ULK4: variants seen among roughly 807,000 people sequenced by gnomAD.
ULK4 encodes the protein unc-51 like kinase 4.
Under a neutral mutation model 160.6 loss-of-function variants are expected in ULK4, and 133 were observed. That is an observed-to-expected ratio of 0.83 (90% confidence interval 0.72 to 0.96). ULK4 has a LOEUF of 0.96. Ranked by LOEUF, ULK4 falls within the 40% of genes least tolerant of loss-of-function variation. The pLI, the probability that ULK4 is intolerant of heterozygous loss-of-function variation, is 0.00. For missense variants in ULK4, 1,580 were observed against 1,499.5 expected, an observed-to-expected ratio of 1.05 and a Z score of -0.89; for synonymous variants, 534 against 539.8, an observed-to-expected ratio of 0.99 and a Z score of 0.15.
chr3:41,785,749 T>C (rs1028410813), intron 21 of ULK4, among the ~76,000 whole-genome samples: 53 of 152,204 alleles, frequency 3.5e-4, no homozygotes, highest in African/African-American at 1.1e-3. Flanking sequence ...CTCACTTTTC[T>C]TTAAGTAACA....
chr3:41,564,063 G>A (rs2087699201), intron 32 of ULK4, among the ~76,000 whole-genome samples: 1 of 151,276 alleles, frequency 6.6e-6, no homozygotes, highest in Non-Finnish European at 1.5e-5. Context: ...TGTCCTTCTT[G>A]TTGATGTTGA....
At chr3:41,343,909 A>C (rs1209908684) in intron 35 of ULK4, among the ~76,000 whole-genome samples, 1 of 152,146 alleles carries the variant, frequency 6.6e-6, no homozygotes, top group Non-Finnish European at 1.5e-5. Context: ...CAATATTGTG[A>C]AAATGGCCAT....
chr3:41,531,093 G>A (rs1397604287), intron 32 of ULK4, among the ~76,000 whole-genome samples: 1 of 150,492 alleles, frequency 6.6e-6, no homozygotes, highest in African/African-American at 2.4e-5. Context: ...GGAATGCCCA[G>A]TGTTTTGGCA....
intron 18 of ULK4, among the ~76,000 whole-genome samples, chr3:41,823,236 C>A (rs561957822): frequency 1.3e-5 from 2 of 152,168 alleles, no homozygotes; most frequent in East Asian, 3.9e-4. Flanking sequence ...GCAGGAGAAA[C>A]AGCAAATGTC....
intron 18 of ULK4, among the ~76,000 whole-genome samples, chr3:41,819,765 A>G (rs933897145): frequency 2.5e-4 from 38 of 152,236 alleles, no homozygotes; most frequent in African/African-American, 8.7e-4. Flanking sequence ...GATTTAAAAT[A>G]TTGAGAAATG....
At chr3:41,493,808 C>T (rs1011172529) in intron 32 of ULK4, among the ~76,000 whole-genome samples, 2 of 147,286 alleles carry the variant, frequency 1.4e-5, no homozygotes, top group Non-Finnish European at 3.0e-5. Flanking sequence ...CACCTCTACA[C>T]AAATAAACTA....
chr3:41,624,319 C>T (rs980197414), intron 30 of ULK4, among the ~76,000 whole-genome samples: 1 of 152,188 alleles, frequency 6.6e-6, no homozygotes, highest in Non-Finnish European at 1.5e-5. Context: ...GCAACCGAGG[C>T]CAATGAAGTC....
chr3:41,601,744 T>C (rs1037892677), intron 31 of ULK4, among the ~76,000 whole-genome samples: 6 of 152,140 alleles, frequency 3.9e-5, no homozygotes, highest in Admixed American at 6.5e-5. Flanking sequence ...ACATTCTTCA[T>C]AACACCAGTG....
At chr3:41,495,127 A>C (rs1369281089) in intron 32 of ULK4, among the ~76,000 whole-genome samples, 1 of 152,234 alleles carries the variant, frequency 6.6e-6, no homozygotes, top group East Asian at 1.9e-4. Flanking sequence ...CACCAAGTCA[A>C]TGCTAAGCCA....
intron 32 of ULK4, among the ~76,000 whole-genome samples, chr3:41,498,107 T>C (rs531913175): frequency 4.1e-4 from 62 of 152,344 alleles, no homozygotes; most frequent in African/African-American, 1.4e-3. Flanking sequence ...ACACACTCTT[T>C]CCAAGTATAC....
At chr3:41,638,853 G>A (rs987151627) in intron 30 of ULK4, among the ~76,000 whole-genome samples, 4 of 152,170 alleles carry the variant, frequency 2.6e-5, no homozygotes, top group African/African-American at 4.8e-5. Flanking sequence ...GTTCTACTTA[G>A]TAGACTGCCA....
intron 35 of ULK4, among the ~76,000 whole-genome samples, chr3:41,376,182 A>G (rs1455461998): frequency 1.3e-5 from 2 of 150,352 alleles, no homozygotes; most frequent in Admixed American, 1.3e-4. Context: ...GTGGGAGTGT[A>G]AATTAGTTCA....
chr3:41,378,569 G>A (rs537490265), intron 35 of ULK4, among the ~76,000 whole-genome samples: 1 of 151,678 alleles, frequency 6.6e-6, no homozygotes, highest in South Asian at 2.1e-4. Flanking sequence ...ACTCATAGGT[G>A]GGAACTGAAC....
chr3:41,319,921 G>A (rs898080037), intron 35 of ULK4, among the ~76,000 whole-genome samples: 6 of 152,166 alleles, frequency 3.9e-5, no homozygotes, highest in Non-Finnish European at 7.4e-5. Context: ...TATTCTACCA[G>A]TAGTAAAATC....
intron 20 of ULK4, among the ~76,000 whole-genome samples, chr3:41,796,049 C>T (rs1242289689): frequency 6.6e-6 from 1 of 152,064 alleles, no homozygotes; most frequent in Admixed American, 6.5e-5. Context: ...GCCCAGTATC[C>T]ATATGTCAGT....
At chr3:41,609,696 G>T (rs973659313) in intron 31 of ULK4, among the ~76,000 whole-genome samples, 7 of 152,120 alleles carry the variant, frequency 4.6e-5, no homozygotes, top group Non-Finnish European at 8.8e-5. Context: ...CTCTGTCCAG[G>T]TGCAGTGGCT....
At chr3:41,327,402 A>G (rs2080358539) in intron 35 of ULK4, among the ~76,000 whole-genome samples, 2 of 151,982 alleles carry the variant, frequency 1.3e-5, no homozygotes, top group South Asian at 2.1e-4. Context: ...TTTTTTTCCT[A>G]TAGAGTCTCT....
At position 41,795,297 on chromosome 3, in the gene ULK4, A is replaced by G. The variant is rs140838456; in HGVS notation, c.2010+4835T>C. 9.7e-4 allele frequency among the ~76,000 whole-genome samples: 148 copies of G among 152,270 alleles called. 3 individuals are homozygous for G. In the South Asian group the frequency reaches 1.0e-2, roughly 10 times the overall value. ...TTGTTAAGATTATGATGTTAGAGTA[A>G]CTGTATAATGATCTCATGCTGTTCC... On this transcript the variant is annotated intron_variant, in intron 20 of 36. Transcript: ENST00000301831.
chr3:41,358,416 A>G (rs924066210), intron 35 of ULK4, among the ~76,000 whole-genome samples: 2 of 152,174 alleles, frequency 1.3e-5, no homozygotes, highest in African/African-American at 4.8e-5. Context: ...AGTAAGTGTA[A>G]AGGGGATAAA....
Sources: gnomAD v4.1 joint callset for allele counts (sites outside exome capture counted in the v4.1 genomes callset) on GRCh38, gnomAD v4.1.1 for gene constraint, MANE v1.5 for transcripts, NCBI Gene and HGNC (gene_info 2026-07-23, HGNC 2026-07-21) for gene names.